RNF168: variants seen among roughly 807,000 people sequenced by gnomAD.
RNF168 encodes ring finger protein 168, also known as E3 ubiquitin-protein ligase RNF168.
RNF168 carries 34 observed loss-of-function variants against 34.9 expected under a neutral mutation model. The ratio of observed to expected loss-of-function variants is 0.97; its 90% CI spans 0.74 to 1.30. RNF168 has a LOEUF of 1.30. Ranked by LOEUF, RNF168 falls within the 50% of genes most tolerant of loss-of-function variation. RNF168 has a pLI of 0.00. For missense variants in RNF168, 725 were observed against 682.5 expected (o/e 1.06, Z -0.69); for synonymous variants, 264 against 254.7 (o/e 1.04, Z -0.35).
rs928635692 is a variant in RNF168 at position 196,494,967 on chromosome 3, G to A, written c.302-6284C>T. Reference sequence around the variant, plus strand: ...GAGCCCGGGCGGTGGAGGGTACAGTGAGCCAAGATCGCTCCCTGGCATTCC... The same window carrying A: ...GAGCCCGGGCGGTGGAGGGTACAGTAAGCCAAGATCGCTCCCTGGCATTCC... On this transcript the variant is annotated intron_variant, in intron 1 of 5. Coordinates refer to ENST00000318037, the MANE Select transcript of RNF168 (RefSeq NM_152617.4). 2.0e-5 allele frequency among the ~76,000 whole-genome samples: 3 copies of A among 152,206 alleles called. No homozygotes were observed. The East Asian group carries it at 5.8e-4, about 29-fold the overall frequency.
intron 1 of RNF168, among the ~76,000 whole-genome samples, chr3:196,489,147 C>A (rs540378289): frequency 6.6e-6 from 1 of 151,628 alleles, no homozygotes; most frequent in African/African-American, 2.4e-5. Context: ...TGAGCCACCA[C>A]GCCCGGCCTG....
chr3:196,484,862 C>T (rs1732386951), intron 3 of RNF168, among the ~76,000 whole-genome samples: 1 of 152,012 alleles, frequency 6.6e-6, no homozygotes, highest in Admixed American at 6.6e-5. Flanking sequence ...CACTATGTTG[C>T]CCAGGCTGGT....
chr3:196,482,438 CT>C, intron 4 of RNF168, among the ~76,000 whole-genome samples: 1 of 152,240 alleles, frequency 6.6e-6, no homozygotes, highest in South Asian at 2.1e-4. Context: ...TGAATACCTG[CT>C]TTCAATTCTT....
intron 3 of RNF168, among the ~76,000 whole-genome samples, chr3:196,484,755 G>A (rs1239745950): frequency 3.3e-5 from 5 of 151,798 alleles, no homozygotes; most frequent in African/African-American, 1.2e-4. Flanking sequence ...CTGGGCTCAG[G>A]CAATCCTCCC....
chr3:196,497,623 C>A (rs185739148), intron 1 of RNF168, among the ~76,000 whole-genome samples: 1 of 151,638 alleles, frequency 6.6e-6, no homozygotes, highest in African/African-American at 2.4e-5. Flanking sequence ...TGAGCCATCA[C>A]GCCACTGCAC....
At chr3:196,484,223 T>C (rs912165322) in intron 3 of RNF168, among the ~76,000 whole-genome samples, 36 of 146,612 alleles carry the variant, frequency 2.5e-4, no homozygotes, top group African/African-American at 9.1e-4. Context: ...CAGGCTGGAG[T>C]GCAGTGGCGC....
rs1005011014 is a variant in RNF168, at chr3:196,503,404, C to G, written c.-231G>C. The G allele has an allele frequency of 1.8e-6, 1 of 566,986 alleles. No homozygotes were observed. Among genetic ancestry groups the G allele is most frequent in the African/African-American group, 1.9e-5 (1 of 53,302 alleles). 35.1% of individuals were successfully genotyped at this position (566,986 alleles called of 1,614,324 possible). A position where few individuals can be genotyped will look rare whatever the true frequency, so the allele number is the denominator to read the frequency against. Reference sequence around the variant, plus strand: ...GCGGCGTCTTTGTCCATTTTCAAGGCAAACGTCCCGCCAGCAAATAAATGC... The same window carrying G: ...GCGGCGTCTTTGTCCATTTTCAAGGGAAACGTCCCGCCAGCAAATAAATGC... On this transcript the variant is annotated 5_prime_UTR_variant, in exon 1 of 6. Transcript: ENST00000318037.
In RNF168 at chr3:196,476,739, A is replaced by G. The variant is rs114546374; in HGVS notation, c.681-1427T>C. ...CCCTCAACTCTCTTCTTAGAAACAC[A>G]TATCTTTACATTTCTTTCTTTTTTT... On this transcript the variant is annotated intron_variant, in intron 4 of 5. Transcript: ENST00000318037. Among the ~76,000 whole-genome samples, 776 of 144,848 alleles carry G rather than the reference A, an allele frequency of 5.4e-3. 9 individuals are homozygous for G. Among genetic ancestry groups the G allele is most frequent in the African/African-American group, 0.02 (755 of 38,624 alleles).
intron 1 of RNF168, among the ~76,000 whole-genome samples, chr3:196,491,053 G>A (rs1458458203): frequency 1.3e-5 from 2 of 152,174 alleles, no homozygotes; most frequent in East Asian, 1.9e-4. Flanking sequence ...GGTGGCTCAC[G>A]CCTGTAATCC....
In RNF168 at chr3:196,472,556, C is replaced by A; in HGVS notation, c.979G>T (p.Val327Phe). 1 of 1,614,230 alleles carries A rather than the reference C, an allele frequency of 6.2e-7. No homozygotes were observed. Among genetic ancestry groups the A allele is most frequent in the East Asian group, 2.2e-5 (1 of 44,880 alleles). The change falls in exon 6 of 6, where the codon GTC (valine) becomes TTC (phenylalanine). Residue 327 changes from valine (V) to phenylalanine (F), a missense_variant. By Grantham distance (50) the Val-to-Phe change is conservative (BLOSUM62 -1). Coordinates refer to ENST00000318037, the MANE Select transcript of RNF168 (RefSeq NM_152617.4). ...RPSNHGKELCVLSHERPKTRV... is the reference protein window; with the variant it reads ...RPSNHGKELCFLSHERPKTRV... ...GTTTTAGGTCGCTCGTGACTTAAGA[C>A]ACATAACTCTTTCCCATGATTGCTT...
At chr3:196,501,583 G>A (rs963126030) in intron 1 of RNF168, among the ~76,000 whole-genome samples, 1 of 152,190 alleles carries the variant, frequency 6.6e-6, no homozygotes, top group Non-Finnish European at 1.5e-5. Context: ...TGGGGAGTCA[G>A]TGCCTCACGG....
At chr3:196,489,228 C>A (rs1367378105) in intron 1 of RNF168, among the ~76,000 whole-genome samples, 1 of 152,052 alleles carries the variant, frequency 6.6e-6, no homozygotes, top group Non-Finnish European at 1.5e-5. Flanking sequence ...ATATACTTAA[C>A]CCTTCCTCTA....
chr3:196,491,777 T>C (rs1732603673), intron 1 of RNF168, among the ~76,000 whole-genome samples: 1 of 152,034 alleles, frequency 6.6e-6, no homozygotes. Context: ...TTAAGATATA[T>C]ACACACACAT....
intron 1 of RNF168, among the ~76,000 whole-genome samples, chr3:196,501,052 T>C (rs1732872691): frequency 6.6e-6 from 1 of 152,190 alleles, no homozygotes; most frequent in East Asian, 1.9e-4. Flanking sequence ...CCAGTTCACA[T>C]GTACTAGCAT....
At chr3:196,489,588 A>G (rs563279548) in intron 1 of RNF168, among the ~76,000 whole-genome samples, 1 of 152,140 alleles carries the variant, frequency 6.6e-6, no homozygotes, top group Non-Finnish European at 1.5e-5. Flanking sequence ...CAGCCTCCCA[A>G]AGTGCTGGGA....
intron 4 of RNF168, among the ~76,000 whole-genome samples, chr3:196,476,186 G>C (rs940751366): frequency 2.0e-5 from 3 of 151,970 alleles, no homozygotes; most frequent in Non-Finnish European, 2.9e-5. Flanking sequence ...CTTGAAAAAA[G>C]CTTAAAAAAG....
chr3:196,471,792 A>C lies in RNF168; in HGVS notation c.*27T>G. ...GAGCTTCACATTCCAGCTTTACTAG[A>C]TCACAAAGCACTCCCTTTACCAGGC... On this transcript the variant is annotated 3_prime_UTR_variant, in exon 6 of 6. Coordinates refer to ENST00000318037, the MANE Select transcript of RNF168 (RefSeq NM_152617.4). The C allele has an allele frequency of 7.1e-7, 1 of 1,412,926 alleles. No individual in the cohort carries two copies. Among genetic ancestry groups the C allele is most frequent in the Non-Finnish European group, 1.0e-6 (1 of 996,854 alleles). 87.5% of individuals were successfully genotyped at this position (1,412,926 alleles called of 1,614,324 possible).
chr3:196,503,147 G>A lies in RNF168; in HGVS notation c.27C>T (p.Pro9=), dbSNP rs571071641. Residue 9 remains proline, a synonymous_variant, in exon 1 of 6, where the codon CCC becomes CCT. Coordinates refer to ENST00000318037, the MANE Select transcript of RNF168 (RefSeq NM_152617.4). The stretch of plus-strand genomic sequence containing the variant: ...TCCCGCACTGGCACTCGGACAGCGA[G>A]GGGATGGCGTCTTTGGGTAGAGCCA... MALPKDAI[P]SLSECQCGIC... 1.9e-6 allele frequency: 3 copies of A among 1,614,182 alleles called. No individual in the cohort carries two copies. Among genetic ancestry groups the A allele is most frequent in the African/African-American group, 2.7e-5 (2 of 75,052 alleles).
intron 1 of RNF168, among the ~76,000 whole-genome samples, chr3:196,496,436 C>A (rs368266924): frequency 1.3e-5 from 2 of 152,282 alleles, no homozygotes; most frequent in Non-Finnish European, 2.9e-5. Flanking sequence ...CATCATCTTC[C>A]TTCTGTGCGT....
Sources: gnomAD v4.1 joint callset for allele counts (sites outside exome capture counted in the v4.1 genomes callset) on GRCh38, gnomAD v4.1.1 for gene constraint, MANE v1.5 for transcripts, NCBI Gene and HGNC (gene_info 2026-07-23, HGNC 2026-07-21) for gene names.